The following DPH7 variants were observed in gnomAD, a reference collection of about 807,000 sequenced individuals.
The protein encoded by DPH7 is diphthamide biosynthesis 7, also known as diphthine methyltransferase.
Under a neutral mutation model 41.7 loss-of-function variants are expected in DPH7, and 44 were observed. The observed-to-expected ratio is 1.05, with a 90% CI of 0.83 to 1.36. The LOEUF (loss-of-function observed/expected upper bound fraction) is 1.36, where lower values mean the gene tolerates loss of function less well. Among genes scored for constraint, DPH7 ranks in the 40% most tolerant of loss-of-function variants. The pLI, the probability that DPH7 is intolerant of heterozygous loss-of-function variation, is 0.00. For synonymous variants in DPH7, 275 were observed against 238.0 expected (o/e 1.16, Z -1.43); for missense variants, 629 against 577.5 (o/e 1.09, Z -0.91).
At position 137,574,491 on chromosome 9, in the gene DPH7, G is replaced by GC; in HGVS notation, c.468-112dup. ...CTCCACAGCCCTGGGATGCGGATATGCCCCTTAAGAGACTGGCGGCTAAGA... is the reference window on the plus strand; with the variant it reads ...CTCCACAGCCCTGGGATGCGGATATGCCCCCTTAAGAGACTGGCGGCTAAGA... On this transcript the variant is annotated intron_variant, in intron 4 of 8. Transcript: ENST00000277540. 4.3e-6 allele frequency: 5 copies of GC among 1,172,168 alleles called. No individual in the cohort carries two copies. The South Asian group carries it at 7.4e-5, about 17-fold the overall frequency. The allele number at this position is 1,172,168 out of a possible 1,614,324, so 72.6% of individuals were successfully genotyped here. A position where few individuals can be genotyped will look rare whatever the true frequency, so the allele number is the denominator to read the frequency against.
Position 137,556,741 on chromosome 9 carries a change from G to C in DPH7, c.950-1093C>G, listed in dbSNP as rs1837574501. The C allele has an allele frequency of 2.2e-6, 1 of 450,248 alleles. No homozygotes were observed. Among genetic ancestry groups the C allele is most frequent in the Non-Finnish European group, 4.5e-6 (1 of 224,054 alleles). The allele number at this position is 450,248 out of a possible 1,614,324, so 27.9% of individuals were successfully genotyped here. On this transcript the variant is annotated intron_variant, in intron 8 of 8. Coordinates refer to ENST00000277540, the MANE Select transcript of DPH7 (RefSeq NM_138778.5). The surrounding 1 kb of genome is among the most constrained non-coding windows in gnomAD (Gnocchi z 5.2). ...CCTTGGGAGGTAGCGTCACAGGGCAGGCAGGACCTCCGCTAGTCTTTCATC... is the reference window on the plus strand; with the variant it reads ...CCTTGGGAGGTAGCGTCACAGGGCACGCAGGACCTCCGCTAGTCTTTCATC...
At chr9:137,574,555 G>T in intron 4 of DPH7, 175 bp from the exon 5 acceptor site, 1 of 835,134 alleles carries the variant, frequency 1.2e-6, no homozygotes, top group Non-Finnish European at 1.9e-6. Context: ...CACCAGTGTC[G>T]ACTTCTCTAG....
chr9:137,578,347 T>C (rs1263325905), intron 1 of DPH7, among the ~76,000 whole-genome samples: 1 of 152,114 alleles, frequency 6.6e-6, no homozygotes, highest in Admixed American at 6.5e-5. Flanking sequence ...TGTATTTTTT[T>C]AGTAGAGACG....
chr9:137,562,448 A>C (rs1838792763), intron 8 of DPH7, among the ~76,000 whole-genome samples: 1 of 152,226 alleles, frequency 6.6e-6, no homozygotes, highest in Non-Finnish European at 1.5e-5. Context: ...CAACACACTC[A>C]TAAATAACCA....
chr9:137,573,523 A>C (rs1046071346), intron 5 of DPH7, among the ~76,000 whole-genome samples: 2 of 148,388 alleles, frequency 1.3e-5, no homozygotes, highest in Non-Finnish European at 1.5e-5. Flanking sequence ...TAAAAAAAAA[A>C]CTACAAAAAA....
At chr9:137,569,576 C>G (rs1431418605) in intron 5 of DPH7, among the ~76,000 whole-genome samples, 1 of 118,662 alleles carries the variant, frequency 8.4e-6, no homozygotes, top group Non-Finnish European at 1.7e-5. Flanking sequence ...AAAAATCCAT[C>G]CATCCACCCC....
intron 5 of DPH7, among the ~76,000 whole-genome samples, chr9:137,571,975 G>A (rs1294814621): frequency 6.6e-6 from 1 of 152,124 alleles, no homozygotes; most frequent in African/African-American, 2.4e-5. Context: ...TTAGCTCAAG[G>A]TAGAAGAACC....
At chr9:137,561,500 G>T (rs1564416614) in intron 8 of DPH7, among the ~76,000 whole-genome samples, 1 of 130,660 alleles carries the variant, frequency 7.7e-6, no homozygotes, top group Non-Finnish European at 1.5e-5. Flanking sequence ...CCAAGATAGC[G>T]CCACTGCATT....
intron 8 of DPH7, among the ~76,000 whole-genome samples, chr9:137,557,435 G>A (rs1278848444): frequency 1.3e-5 from 2 of 152,102 alleles, no homozygotes; most frequent in African/African-American, 4.8e-5. Context: ...GAACGTGGGA[G>A]GTGGAGGTTG....
intron 8 of DPH7, 71 bp downstream of exon 8, chr9:137,564,363 G>A: frequency 6.5e-7 from 1 of 1,537,100 alleles, no homozygotes; most frequent in Non-Finnish European, 8.8e-7. Context: ...TGAGGGAAGA[G>A]CCCAGCAGAG....
rs78354100 is a variant in DPH7 at position 137,560,366 on chromosome 9, G to A, written c.949+4068C>T. Among the ~76,000 whole-genome samples the A allele has an allele frequency of 6.4e-4, 98 of 152,276 alleles. 2 individuals carry two copies. In the East Asian group the frequency reaches 0.014, roughly 22 times the overall value. On this transcript the variant is annotated intron_variant, in intron 8 of 8. Coordinates refer to ENST00000277540, the MANE Select transcript of DPH7 (RefSeq NM_138778.5). ...TGAGACTTAGGAAAAAACAGGTGGG[G>A]CAAGGACAGAAAAATAATATGTTAA...
chr9:137,577,053 C>CAA (rs71493678), intron 2 of DPH7, among the ~76,000 whole-genome samples: 1 of 139,246 alleles, frequency 7.2e-6, no homozygotes, highest in Non-Finnish European at 1.6e-5. Context: ...AACCCTGCCT[C>CAA]AAAAAAAAAA....
In DPH7 at chr9:137,555,335, G is replaced by A. The variant is rs201805340; in HGVS notation, c.1263C>T (p.Gly421=). Residue 421 remains glycine, a synonymous_variant, in exon 9 of 9, where the codon GGC becomes GGT. Coordinates refer to ENST00000277540, the MANE Select transcript of DPH7 (RefSeq NM_138778.5). ...CTGAGTCTGCTTCTTCTGGGTTCAC[G>A]CCACAGTCACGTGTGGTGGCTGCTG... The part of the protein sequence containing the change: ...QATAATTRDC[G]VNPEEADSAF... 5 of 1,614,198 alleles carry A rather than the reference G, an allele frequency of 3.1e-6. No homozygotes were observed. Among genetic ancestry groups the A allele is most frequent in the Non-Finnish European group, 4.2e-6 (5 of 1,180,030 alleles).
intron 8 of DPH7, among the ~76,000 whole-genome samples, chr9:137,562,119 C>T (rs1003628819): frequency 2.6e-5 from 4 of 152,204 alleles, no homozygotes; most frequent in Non-Finnish European, 4.4e-5. Context: ...CCACCTCAGC[C>T]TCCCAAAGTA....
intron 3 of DPH7, chr9:137,575,650 T>G (rs564247354): frequency 3.0e-6 from 3 of 1,013,454 alleles, no homozygotes; most frequent in Admixed American, 5.2e-5. Context: ...GAAGTCACTT[T>G]GTTAATGCAT....
At chr9:137,560,017 A>T (rs998089912) in intron 8 of DPH7, among the ~76,000 whole-genome samples, 1 of 152,204 alleles carries the variant, frequency 6.6e-6, no homozygotes, top group South Asian at 2.1e-4. Flanking sequence ...GGCTAAAATC[A>T]TGCATTTTAT....
At chr9:137,557,139 C>T (rs546826463) in intron 8 of DPH7, among the ~76,000 whole-genome samples, 5 of 152,326 alleles carry the variant, frequency 3.3e-5, no homozygotes, top group African/African-American at 1.2e-4. Context: ...GAACTCCCGG[C>T]TCAAGCAATC....
intron 8 of DPH7, among the ~76,000 whole-genome samples, chr9:137,561,496 T>C (rs981250025): frequency 1.5e-5 from 2 of 131,636 alleles, no homozygotes; most frequent in African/African-American, 6.0e-5. Context: ...TGAGCCAAGA[T>C]AGCGCCACTG....
At chr9:137,562,679 T>C (rs1838829452) in intron 8 of DPH7, among the ~76,000 whole-genome samples, 1 of 151,836 alleles carries the variant, frequency 6.6e-6, no homozygotes, top group Admixed American at 6.6e-5. Context: ...GGTGGAAGGA[T>C]GGTTTGAGCC....
Sources: gnomAD v4.1 joint callset for allele counts (sites outside exome capture counted in the v4.1 genomes callset) on GRCh38, gnomAD v4.1.1 for gene constraint, Gnocchi (gnomAD v3.1) non-coding constraint, MANE v1.5 for transcripts, NCBI Gene and HGNC (gene_info 2026-07-23, HGNC 2026-07-21) for gene names.